RYR1: variants seen among roughly 807,000 people sequenced by gnomAD.
RYR1 encodes the protein ryanodine receptor 1, also known as central core disease of muscle.
Under a neutral mutation model 583.5 loss-of-function variants are expected in RYR1, and 342 were observed. The ratio of observed to expected loss-of-function variants is 0.59; its 90% CI spans 0.54 to 0.64. The LOEUF is 0.64. Among genes scored for constraint, RYR1 ranks in the 30% least tolerant of loss-of-function variants. RYR1 has a pLI of 0.00. For synonymous variants in RYR1, 2,791 were observed against 2,822.5 expected, an observed-to-expected ratio of 0.99 and a Z score of 0.35; for missense variants, 6,032 against 6,917.2, an observed-to-expected ratio of 0.87 and a Z score of 4.54.
chr19:38,444,041 G>T lies in RYR1; in HGVS notation c.425-108G>T. The T allele has an allele frequency of 1.0e-6, 1 of 957,708 alleles. No homozygotes were observed. The allele number at this position is 957,708 out of a possible 1,614,324, so 59.3% of individuals were successfully genotyped here. A position where few individuals can be genotyped will look rare whatever the true frequency, so the allele number is the denominator to read the frequency against. On this transcript the variant is annotated intron_variant, in intron 5 of 105. Transcript: ENST00000359596. The surrounding 1 kb of genome is among the most constrained non-coding windows in gnomAD (Gnocchi z 5.1). ...CAGAGAGTTGGTGGCAGTGATAGGA[G>T]AGTTGTGGGCCAAGGGCCCGGGAGG...
At chr19:38,542,322 G>A (rs1465545159) in intron 84 of RYR1, among the ~76,000 whole-genome samples, 3 of 151,876 alleles carry the variant, frequency 2.0e-5, no homozygotes, top group East Asian at 1.9e-4. Context: ...TTGGATAAAT[G>A]CATGAATATC....
intron 25 of RYR1, 53 bp downstream of exon 25, chr19:38,467,865 C>G: frequency 1.3e-6 from 2 of 1,557,896 alleles, no homozygotes; most frequent in East Asian, 4.5e-5. Flanking sequence ...TCTCCCACAG[C>G]TTGTCTACTC....
At chr19:38,570,722 A>G (rs2145865498) in intron 94 of RYR1, 29 bp downstream of exon 94, 1 of 1,571,706 alleles carries the variant, frequency 6.4e-7, no homozygotes. Context: ...TGGGAGGGTC[A>G]GGCCCTTTTC....
intron 67 of RYR1, among the ~76,000 whole-genome samples, chr19:38,520,511 G>A (rs1200593124): frequency 2.0e-5 from 3 of 151,134 alleles, no homozygotes; most frequent in South Asian, 2.1e-4. Flanking sequence ...CCTGGCCAAC[G>A]TGGCGAAACC....
chr19:38,546,378 G>C (rs1361214172), intron 87 of RYR1, 67 bp from the exon 88 acceptor site: 2 of 1,387,878 alleles, frequency 1.4e-6, no homozygotes, highest in Admixed American at 1.7e-5. Flanking sequence ...AGGTGAGGAG[G>C]GGGAGAAGCA....
rs1241398552 is a variant in RYR1, at chr19:38,500,981, G to A, written c.7605G>A (p.Ser2535=). 4.3e-6 allele frequency: 7 copies of A among 1,613,278 alleles called. No homozygotes were observed. The highest frequency in any genetic ancestry group is 2.2e-5 in the South Asian group (2 of 90,950). ...TGCCCGACATGAGGGCAGCCGCCTC[G>A]CTGGACACGGTGAGCAACCCTGCCC... ...GFLPDMRAAA[S]LDTATFSTTE... Residue 2535 remains serine, a synonymous_variant, in exon 47 of 106, where the codon TCG becomes TCA. Transcript: ENST00000359596. This position sits in a 1 kb window ranked among gnomAD's most constrained non-coding sequence, Gnocchi z 5.9.
At chr19:38,503,843 G>C (rs1042951107) in intron 49 of RYR1, among the ~76,000 whole-genome samples, 2 of 152,028 alleles carry the variant, frequency 1.3e-5, no homozygotes, top group Non-Finnish European at 2.9e-5. Flanking sequence ...TTTGCATGGG[G>C]TGCAGCCTTT....
rs549353524 is a variant in RYR1 at position 38,552,643 on chromosome 19, A to G, written c.12282+4223A>G. On this transcript the variant is annotated intron_variant, in intron 89 of 105. Coordinates refer to ENST00000359596, the MANE Select transcript of RYR1 (RefSeq NM_000540.3). ...TTAAGGTCACCCATCTTAATAAGTG[A>G]CAAGGTTAGGGTTAGACCTCAGGCG... 3.8e-4 allele frequency among the ~76,000 whole-genome samples: 58 copies of G among 152,282 alleles called. No homozygotes were observed. In the South Asian group the frequency reaches 0.012, roughly 31 times the overall value.
At position 38,570,702 on chromosome 19, in the gene RYR1, C is replaced by G; in HGVS notation, c.13746+9C>G. The stretch of plus-strand genomic sequence containing the variant: ...TCTTGCTGTTTTATAAGGTGCTGGT[C>G]CTGAAGGGCTGGGAGGGTCAGGCCC... On this transcript the variant is annotated intron_variant, in intron 94 of 105. Transcript: ENST00000359596. 1.2e-6 allele frequency: 2 copies of G among 1,610,644 alleles called. No homozygotes were observed. Among genetic ancestry groups the G allele is most frequent in the South Asian group, 1.1e-5 (1 of 90,978 alleles).
chr19:38,519,504 C>T (rs1030017588), intron 67 of RYR1, 50 bp downstream of exon 67: 2 of 1,555,590 alleles, frequency 1.3e-6, no homozygotes, highest in Non-Finnish European at 1.7e-6. Context: ...CCTCCCACGT[C>T]CTCCAGCCCC....
Position 38,543,986 on chromosome 19 carries a change from C to G in RYR1, c.12012+111C>G. The G allele has an allele frequency of 9.2e-7, 1 of 1,087,804 alleles. No homozygotes were observed. The highest frequency in any genetic ancestry group is 1.4e-6 in the Non-Finnish European group (1 of 736,178). The allele number at this position is 1,087,804 out of a possible 1,614,324, so 67.4% of individuals were successfully genotyped here. A position where few individuals can be genotyped will look rare whatever the true frequency, so the allele number is the denominator to read the frequency against. ...GTCACCCGAGTGCTCCCGGCATGTTCCAGACTGGTTCCCTCTCAGTGGCCA... is the reference window on the plus strand; with the variant it reads ...GTCACCCGAGTGCTCCCGGCATGTTGCAGACTGGTTCCCTCTCAGTGGCCA... On this transcript the variant is annotated intron_variant, in intron 87 of 105. Coordinates refer to ENST00000359596, the MANE Select transcript of RYR1 (RefSeq NM_000540.3). This position sits in a 1 kb window ranked among gnomAD's most constrained non-coding sequence, Gnocchi z 4.4.
rs139142846 is a variant in RYR1 at position 38,475,394 on chromosome 19, G to A, written c.4237G>A (p.Asp1413Asn). The change falls in exon 29 of 106, where the codon GAC becomes AAC. Residue 1413 changes from aspartate to asparagine, a missense_variant. This residue lies in a region of RYR1 where 2,627 missense variants were observed against 2,961.3 expected (regional missense o/e 0.89). Coordinates refer to ENST00000359596, the MANE Select transcript of RYR1 (RefSeq NM_000540.3). ...CCCCACGCTGCCCCGACTCCCTCAC[G>A]ACGTGGTGCCTGCAGACAACCGCGA... ...ATPTLPRLPH[D>N]VVPADNRDDP... 2.2e-5 allele frequency: 35 copies of A among 1,613,748 alleles called. No homozygotes were observed. The African/African-American group carries it at 3.9e-4, about 18-fold the overall frequency.
rs754368106 is a variant in RYR1, at chr19:38,446,515, T to G, written c.675T>G (p.His225Gln). Reference protein sequence around the residue: ...GGHVLRLFHGHMDECLTISPA... With the variant: ...GGHVLRLFHGQMDECLTISPA... Reference sequence around the variant, plus strand: ...ACGTCCTCCGCCTCTTTCATGGACATATGGATGAGTGTCTGACCATTTCCC... The same window carrying G: ...ACGTCCTCCGCCTCTTTCATGGACAGATGGATGAGTGTCTGACCATTTCCC... The change falls in exon 8 of 106, where the codon CAT (histidine) becomes CAG (glutamine). Residue 225 changes from histidine to glutamine, a missense_variant. Transcript: ENST00000359596. The G allele has an allele frequency of 6.2e-7, 1 of 1,614,164 alleles. No homozygotes were observed. The highest frequency in any genetic ancestry group is 8.5e-7 in the Non-Finnish European group (1 of 1,180,012).
At chr19:38,477,934 C>T (rs557795884) in intron 30 of RYR1, 64 bp downstream of exon 30, 206 of 1,497,570 alleles carry the variant, frequency 1.4e-4, no homozygotes, top group East Asian at 7.2e-4. Flanking sequence ...TCAGAGCTCC[C>T]GACACCAGCT....
rs1017484799 is a variant in RYR1, at chr19:38,496,596, T to A, written c.6796+55T>A. Reference sequence around the variant, plus strand: ...CCCAGAACCCACTCCTGGCACCCCGTCCAGGCCTGCCCCACTTTCCACCAG... The same window carrying A: ...CCCAGAACCCACTCCTGGCACCCCGACCAGGCCTGCCCCACTTTCCACCAG... On this transcript the variant is annotated intron_variant, in intron 41 of 105. Coordinates refer to ENST00000359596, the MANE Select transcript of RYR1 (RefSeq NM_000540.3). This position sits in a 1 kb window ranked among gnomAD's most constrained non-coding sequence, Gnocchi z 4.8. The A allele has an allele frequency of 2.7e-5, 44 of 1,603,414 alleles. No individual in the cohort carries two copies. Among genetic ancestry groups the A allele is most frequent in the Non-Finnish European group, 3.7e-5 (43 of 1,172,522 alleles).
At chr19:38,518,020 G>A (rs1283103083) in intron 66 of RYR1, among the ~76,000 whole-genome samples, 1 of 152,150 alleles carries the variant, frequency 6.6e-6, no homozygotes, top group African/African-American at 2.4e-5. Context: ...TTGGGAGGCT[G>A]AGGCAGGAGG....
At chr19:38,587,008 C>T (rs1313429886) in intron 105 of RYR1, among the ~76,000 whole-genome samples, 3 of 152,102 alleles carry the variant, frequency 2.0e-5, no homozygotes, top group Non-Finnish European at 4.4e-5. Context: ...CTGGCTCACG[C>T]CTGCAATCCT....
Position 38,561,414 on chromosome 19 carries a change from A to T in RYR1, c.12584A>T (p.Glu4195Val). The change falls in exon 90 of 106, where the codon GAG becomes GTG. Residue 4195 changes from glutamate to valine, a missense_variant. This residue lies in a region of RYR1 where 753 missense variants were observed against 759.6 expected (regional missense o/e 0.99). Transcript: ENST00000359596. This position sits in a 1 kb window ranked among gnomAD's most constrained non-coding sequence, Gnocchi z 4.8. Reference protein sequence around the residue: ...ASRRIERIYFEISETNRAQWE... With the variant: ...ASRRIERIYFVISETNRAQWE... ...CGCCGCATCGAGCGCATCTACTTCGAGATCTCAGAGACCAACCGCGCCCAG... is the reference window on the plus strand; with the variant it reads ...CGCCGCATCGAGCGCATCTACTTCGTGATCTCAGAGACCAACCGCGCCCAG... 1 of 1,612,256 alleles carries T rather than the reference A, an allele frequency of 6.2e-7. No individual in the cohort carries two copies. Among genetic ancestry groups the T allele is most frequent in the Non-Finnish European group, 8.5e-7 (1 of 1,179,928 alleles).
In RYR1 at chr19:38,525,496, C is replaced by G. The variant is rs758247804; in HGVS notation, c.10620C>G (p.Tyr3540Ter). The G allele has an allele frequency of 1.2e-6, 2 of 1,613,832 alleles. No individual in the cohort carries two copies. The highest frequency in any genetic ancestry group is 1.7e-6 in the Non-Finnish European group (2 of 1,179,920). Residue 3540 changes from tyrosine to a stop codon, truncating the protein, a stop_gained, in exon 71 of 106, where the codon TAC (tyrosine) becomes TAG (stop). Transcript: ENST00000359596. LOFTEE classifies it high-confidence loss of function. ...QDLITLAKTR[Y>*]ALKDTDEEVR... is the part of the protein sequence containing the mutation. Reference sequence around the variant, plus strand: ...TCATCACGCTGGCCAAGACCCGTTACGCCCTGGTGCCTGCCCAGCCCCGTC... The same window carrying G: ...TCATCACGCTGGCCAAGACCCGTTAGGCCCTGGTGCCTGCCCAGCCCCGTC...
Sources: allele counts gnomAD v4.1 joint callset (sites outside exome capture counted in the v4.1 genomes callset), GRCh38; gene constraint gnomAD v4.1.1; regional missense constraint gnomAD v4.1.1; non-coding constraint Gnocchi (gnomAD v3.1); transcripts MANE v1.5; gene names NCBI Gene and HGNC (gene_info 2026-07-23, HGNC 2026-07-21).